PRKN: variants seen among roughly 807,000 people sequenced by gnomAD.
PRKN encodes parkin RBR E3 ubiquitin protein ligase.
In PRKN, 56 loss-of-function variants were observed where a neutral mutation model predicts 59.5. The ratio of observed to expected loss-of-function variants is 0.94; its 90% CI spans 0.76 to 1.18. The LOEUF is 1.18. PRKN is among the 50% of genes most tolerant of loss of function. The pLI, the probability that PRKN is intolerant of heterozygous loss-of-function variation, is 0.00. For synonymous variants in PRKN, 250 were observed against 222.1 expected, an observed-to-expected ratio of 1.13 and a Z score of -1.12; for missense variants, 657 against 596.4, an observed-to-expected ratio of 1.10 and a Z score of -1.06.
In PRKN at chr6:161,879,637, T is replaced by C. The variant is rs553117136; in HGVS notation, c.734+93665A>G. 3.3e-5 allele frequency among the ~76,000 whole-genome samples: 5 copies of C among 152,246 alleles called. No homozygotes were observed. The South Asian group carries it at 1.0e-3, about 32-fold the overall frequency. ...CTGGGATTACATGTGTGAGCCACCATGCCCAGCCCATTATGATATTTCTAT... is the reference window on the plus strand; with the variant it reads ...CTGGGATTACATGTGTGAGCCACCACGCCCAGCCCATTATGATATTTCTAT... On this transcript the variant is annotated intron_variant, in intron 6 of 11. Transcript: ENST00000366898.
rs1240342314 is a variant in PRKN, at chr6:161,444,605, T to C, written c.1084-57728A>G. ...TAATTGACGTGGTGAGGTTGTGCTC[T>C]GAAAAGCTGAGTTCCTCCTGAGAGG... On this transcript the variant is annotated intron_variant, in intron 9 of 11. Transcript: ENST00000366898. This position sits in a 1 kb window ranked among gnomAD's most constrained non-coding sequence, Gnocchi z 5.6. 1.3e-5 allele frequency among the ~76,000 whole-genome samples: 2 copies of C among 152,260 alleles called. No homozygotes were observed. The highest frequency in any genetic ancestry group is 2.9e-5 in the Non-Finnish European group (2 of 68,048).
chr6:162,467,553 A>G (rs1337434835), intron 1 of PRKN, among the ~76,000 whole-genome samples: 1 of 152,064 alleles, frequency 6.6e-6, no homozygotes, highest in East Asian at 1.9e-4. Context: ...CAAAATATTT[A>G]TTAGATTTCT....
chr6:161,806,514 A>G (rs1791331645), intron 6 of PRKN, among the ~76,000 whole-genome samples: 1 of 152,144 alleles, frequency 6.6e-6, no homozygotes, highest in African/African-American at 2.4e-5. Flanking sequence ...TCAACAAGAG[A>G]GAGTTCAGAC....
chr6:161,570,486 A>G (rs1780847508), intron 7 of PRKN, among the ~76,000 whole-genome samples: 1 of 151,592 alleles, frequency 6.6e-6, no homozygotes, highest in South Asian at 2.1e-4. Context: ...CTGAGACAGC[A>G]GGACCAACCC....
intron 1 of PRKN, among the ~76,000 whole-genome samples, chr6:162,724,820 T>C (rs954883372): frequency 1.8e-4 from 28 of 152,238 alleles, no homozygotes; most frequent in Non-Finnish European, 2.9e-5. Context: ...TCAAGTATTC[T>C]GTTTTATCTA....
In PRKN at chr6:161,560,276, T is replaced by G. The variant is rs1363271858; in HGVS notation, c.933+9079A>C. Among the ~76,000 whole-genome samples the G allele has an allele frequency of 6.6e-6, 1 of 152,186 alleles. No individual in the cohort carries two copies. The highest frequency in any genetic ancestry group is 1.9e-4 in the East Asian group (1 of 5,196). On this transcript the variant is annotated intron_variant, in intron 8 of 11. Coordinates refer to ENST00000366898, the MANE Select transcript of PRKN (RefSeq NM_004562.3). This position sits in a 1 kb window ranked among gnomAD's most constrained non-coding sequence, Gnocchi z 4.9. Reference sequence around the variant, plus strand: ...CTTAACTGAAACTGATCCATCTCCCTTGCAACCTTTTCAAGTGAAGGCTGC... The same window carrying G: ...CTTAACTGAAACTGATCCATCTCCCGTGCAACCTTTTCAAGTGAAGGCTGC...
At chr6:161,493,747 G>A (rs1168852153) in intron 9 of PRKN, among the ~76,000 whole-genome samples, 1 of 152,228 alleles carries the variant, frequency 6.6e-6, no homozygotes, top group Non-Finnish European at 1.5e-5. Flanking sequence ...ACGTGCATTA[G>A]CACAGAGAAG....
chr6:161,908,707 T>A (rs1778244122), intron 6 of PRKN, among the ~76,000 whole-genome samples: 1 of 152,030 alleles, frequency 6.6e-6, no homozygotes, highest in Admixed American at 6.6e-5. Flanking sequence ...ACAGACAAAA[T>A]TTAGCAATAA....
intron 1 of PRKN, among the ~76,000 whole-genome samples, chr6:162,643,082 A>C (rs1778023397): frequency 6.6e-6 from 1 of 152,138 alleles, no homozygotes; most frequent in Non-Finnish European, 1.5e-5. Context: ...TGACATAGAC[A>C]TAAAGACACC....
chr6:161,530,549 T>C lies in PRKN; in HGVS notation c.1083+18305A>G, dbSNP rs1035361888. The stretch of plus-strand genomic sequence containing the variant: ...TTTTTTTTTTGAGATGGAGTTTCAC[T>C]CTTGTTGCCCAGGCTGGAGTGCAAT... On this transcript the variant is annotated intron_variant, in intron 9 of 11. Coordinates refer to ENST00000366898, the MANE Select transcript of PRKN (RefSeq NM_004562.3). This position sits in a 1 kb window ranked among gnomAD's most constrained non-coding sequence, Gnocchi z 5.0. Among the ~76,000 whole-genome samples the C allele has an allele frequency of 5.3e-5, 8 of 151,142 alleles. No homozygotes were observed. Among genetic ancestry groups the C allele is most frequent in the African/African-American group, 1.9e-4 (8 of 41,060 alleles).
Position 161,378,948 on chromosome 6 carries a change from G to A in PRKN, c.1167+7846C>T, listed in dbSNP as rs145839812. On this transcript the variant is annotated intron_variant, in intron 10 of 11. Coordinates refer to ENST00000366898, the MANE Select transcript of PRKN (RefSeq NM_004562.3). This position sits in a 1 kb window ranked among gnomAD's most constrained non-coding sequence, Gnocchi z 7.3. ...GCAACCTGGCCTTGCATATATAGGG[G>A]CCCTGGCTTCCAGCAAGAGAGTACT... Among the ~76,000 whole-genome samples the A allele has an allele frequency of 6.8e-4, 104 of 152,254 alleles. 1 individual carries two copies. Among genetic ancestry groups the A allele is most frequent in the African/African-American group, 2.3e-3 (97 of 41,542 alleles).
intron 5 of PRKN, among the ~76,000 whole-genome samples, chr6:161,999,937 C>A (rs1201016345): frequency 6.6e-6 from 1 of 152,032 alleles, no homozygotes; most frequent in Non-Finnish European, 1.5e-5. Flanking sequence ...CTAATAGTAA[C>A]AAGATGCTTA....
At chr6:162,201,909 A>G (rs1784746781) in intron 3 of PRKN, among the ~76,000 whole-genome samples, 1 of 152,220 alleles carries the variant, frequency 6.6e-6, no homozygotes, top group Non-Finnish European at 1.5e-5. Context: ...AAAGGTGAAC[A>G]AACAACTAAT....
chr6:161,917,385 C>A (rs960830887), intron 6 of PRKN, among the ~76,000 whole-genome samples: 3 of 152,190 alleles, frequency 2.0e-5, no homozygotes, highest in South Asian at 2.1e-4. Flanking sequence ...GGATTACAGG[C>A]ATGAGCCACT....
intron 1 of PRKN, among the ~76,000 whole-genome samples, chr6:162,673,313 G>T (rs982089433): frequency 6.6e-6 from 1 of 152,048 alleles, no homozygotes; most frequent in African/African-American, 2.4e-5. Context: ...AGTACTTAAC[G>T]GAGTGAAAAT....
chr6:161,929,234 A>G (rs1265761720), intron 6 of PRKN, among the ~76,000 whole-genome samples: 1 of 152,246 alleles, frequency 6.6e-6, no homozygotes, highest in South Asian at 2.1e-4. Context: ...GTATTATATA[A>G]TACGATTCCT....
chr6:162,678,644 GTTT>G (rs1779648619), intron 1 of PRKN, among the ~76,000 whole-genome samples: 1 of 152,162 alleles, frequency 6.6e-6, no homozygotes, highest in Admixed American at 6.5e-5. Context: ...TTATTGGGTT[GTTT>G]TAGTATTTAT....
chr6:162,491,520 C>A (rs1268289243), intron 1 of PRKN, among the ~76,000 whole-genome samples: 2 of 152,182 alleles, frequency 1.3e-5, no homozygotes, highest in African/African-American at 4.8e-5. Context: ...CCAGACAGCA[C>A]CTGACTGCAG....
intron 6 of PRKN, among the ~76,000 whole-genome samples, chr6:161,951,344 T>C (rs1649918019): frequency 6.6e-6 from 1 of 152,202 alleles, no homozygotes; most frequent in Non-Finnish European, 1.5e-5. Context: ...AATGTGCTAA[T>C]TGTTTCTAAT....
Sources: gnomAD v4.1 joint callset for allele counts (sites outside exome capture counted in the v4.1 genomes callset) on GRCh38, gnomAD v4.1.1 for gene constraint, Gnocchi (gnomAD v3.1) non-coding constraint, MANE v1.5 for transcripts, NCBI Gene and HGNC (gene_info 2026-07-23, HGNC 2026-07-21) for gene names.